Variants in FNIP1 observed in about 807,000 individuals in gnomAD.
FNIP1 encodes the protein folliculin interacting protein 1.
In FNIP1, 40 loss-of-function variants were observed where a neutral mutation model predicts 124.5. That is an observed-to-expected ratio of 0.32 (90% CI 0.25 to 0.42). The LOEUF is 0.42. Among genes scored for constraint, FNIP1 ranks in the 10% least tolerant of loss-of-function variants. The pLI is 1.00. For synonymous variants in FNIP1, 472 were observed against 470.6 expected (o/e 1.00, Z -0.04); for missense variants, 1,176 against 1,403.7 (o/e 0.84, Z 2.59).
At chr5:131,771,897 C>T (rs1771646629) in intron 1 of FNIP1, among the ~76,000 whole-genome samples, 1 of 152,136 alleles carries the variant, frequency 6.6e-6, no homozygotes, top group Non-Finnish European at 1.5e-5. Context: ...GACACTATGA[C>T]CTCCTTGCAC....
At chr5:131,723,487 A>C (rs1050523938) in intron 3 of FNIP1, among the ~76,000 whole-genome samples, 2 of 152,206 alleles carry the variant, frequency 1.3e-5, no homozygotes, top group African/African-American at 4.8e-5. Flanking sequence ...TCTAACATAT[A>C]CTAAATAGTT....
rs1447390414 is a variant in FNIP1, at chr5:131,643,016, C to T, written c.*1669G>A. 3.3e-5 allele frequency: 5 copies of T among 152,058 alleles called. No individual in the cohort carries two copies. Among genetic ancestry groups the T allele is most frequent in the African/African-American group, 1.2e-4 (5 of 41,358 alleles). 9.4% of individuals were successfully genotyped at this position (152,058 alleles called of 1,614,324 possible). ...TAATGCACAGAATAAGAAAATTAAG[C>T]CAAAGAAAATATATCCACAAACACT... On this transcript the variant is annotated 3_prime_UTR_variant, in exon 18 of 18. Transcript: ENST00000510461.
At position 131,654,972 on chromosome 5, in the gene FNIP1, C is replaced by T. The variant is rs140205997; in HGVS notation, c.3109-2973G>A. Among the ~76,000 whole-genome samples the T allele has an allele frequency of 5.1e-3, 781 of 152,210 alleles. 4 individuals carry two copies. Among genetic ancestry groups the T allele is most frequent in the African/African-American group, 0.017 (716 of 41,554 alleles). On this transcript the variant is annotated intron_variant, in intron 15 of 17. Transcript: ENST00000510461. ...GCCAGGGATAAATCACTTTGTTATT[C>T]ATCACTTAATTATGGAAATATAATT...
intron 15 of FNIP1, among the ~76,000 whole-genome samples, chr5:131,658,548 T>C (rs974751999): frequency 3.9e-5 from 6 of 152,042 alleles, no homozygotes; most frequent in Non-Finnish European, 7.4e-5. Context: ...ACATCTCAAG[T>C]TGGGGGACAA....
At chr5:131,705,621 C>T (rs1415136105) in intron 9 of FNIP1, among the ~76,000 whole-genome samples, 2 of 152,032 alleles carry the variant, frequency 1.3e-5, no homozygotes, top group Non-Finnish European at 2.9e-5. Flanking sequence ...AAATTGGAAC[C>T]ATTGTGCATT....
chr5:131,739,017 T>C (rs1312603083), intron 2 of FNIP1, among the ~76,000 whole-genome samples: 1 of 151,940 alleles, frequency 6.6e-6, no homozygotes, highest in East Asian at 1.9e-4. Flanking sequence ...GGTCTTCCTA[T>C]GTTGGCCAGA....
At chr5:131,750,722 T>C (rs1770845978) in intron 1 of FNIP1, among the ~76,000 whole-genome samples, 1 of 151,834 alleles carries the variant, frequency 6.6e-6, no homozygotes, top group Admixed American at 6.6e-5. Context: ...GAGAGACTCT[T>C]GTGCCCCAGC....
rs1387691476 is a variant in FNIP1, at chr5:131,693,342, A to ATG, written c.1202+5574_1202+5575insCA. 2.0e-4 allele frequency among the ~76,000 whole-genome samples: 26 copies of ATG among 130,968 alleles called. No homozygotes were observed. In the East Asian group the frequency reaches 2.8e-3, roughly 14 times the overall value. 85.9% of individuals were successfully genotyped at this position (130,968 alleles called of 152,430 possible). On this transcript the variant is annotated intron_variant, in intron 11 of 17. Transcript: ENST00000510461. ...CACATATATATATATACATATATAT[A>ATG]TATATATATATATATATATAGTTAC...
At chr5:131,742,070 A>C (rs1164149340) in intron 2 of FNIP1, among the ~76,000 whole-genome samples, 1 of 152,168 alleles carries the variant, frequency 6.6e-6, no homozygotes, top group Non-Finnish European at 1.5e-5. Flanking sequence ...ACAGAGTAAA[A>C]CAATTTTGCA....
intron 10 of FNIP1, among the ~76,000 whole-genome samples, 185 bp from the exon 11 acceptor site, chr5:131,699,187 A>G (rs887833645): frequency 6.6e-6 from 1 of 152,232 alleles, no homozygotes; most frequent in African/African-American, 2.4e-5. Context: ...TAATTAATGA[A>G]TGGTTGAACA....
At chr5:131,707,484 G>A (rs1304950445) in intron 8 of FNIP1, among the ~76,000 whole-genome samples, 1 of 152,208 alleles carries the variant, frequency 6.6e-6, no homozygotes, top group Non-Finnish European at 1.5e-5. Flanking sequence ...CTTTCATTAT[G>A]AAGATCTATT....
intron 2 of FNIP1, among the ~76,000 whole-genome samples, chr5:131,733,842 A>C (rs1334656478): frequency 6.6e-6 from 1 of 152,188 alleles, no homozygotes; most frequent in African/African-American, 2.4e-5. Context: ...TGCTGGCCTC[A>C]TAAAATGAGT....
intron 1 of FNIP1, among the ~76,000 whole-genome samples, chr5:131,791,398 T>A (rs564837758): frequency 2.0e-5 from 3 of 152,216 alleles, no homozygotes; most frequent in African/African-American, 7.2e-5. Flanking sequence ...GGCAACCAGG[T>A]AGGTAACTTT....
At chr5:131,699,340 A>G (rs1768810751) in intron 10 of FNIP1, among the ~76,000 whole-genome samples, 1 of 152,088 alleles carries the variant, frequency 6.6e-6, no homozygotes, top group Non-Finnish European at 1.5e-5. Flanking sequence ...ATAACTCAGT[A>G]ACAACAACTC....
intron 3 of FNIP1, among the ~76,000 whole-genome samples, chr5:131,729,787 C>T (rs559958421): frequency 1.3e-5 from 2 of 151,996 alleles, no homozygotes; most frequent in South Asian, 4.2e-4. Flanking sequence ...CTCTTGTTAC[C>T]CAGGCTGTAG....
At position 131,652,091 on chromosome 5, in the gene FNIP1, C is replaced by A. The variant is rs563746343; in HGVS notation, c.3109-92G>T. ...GCAATGAAGGTTTACTAAACAAAAA[C>A]AGAAAAAAAAATTAAACTTCAATAT... On this transcript the variant is annotated intron_variant, in intron 15 of 17. Transcript: ENST00000510461. 515 of 1,217,490 alleles carry A rather than the reference C, an allele frequency of 4.2e-4. 1 individual carries two copies. The African/African-American group carries it at 6.7e-3, about 16-fold the overall frequency. The allele number at this position is 1,217,490 out of a possible 1,614,324, so 75.4% of individuals were successfully genotyped here.
chr5:131,684,506 A>C (rs1345013270), intron 11 of FNIP1, among the ~76,000 whole-genome samples: 1 of 151,884 alleles, frequency 6.6e-6, no homozygotes, highest in Non-Finnish European at 1.5e-5. Flanking sequence ...GAAGCAAAAT[A>C]ATCAAACAAT....
chr5:131,743,692 C>A (rs1263797527), intron 2 of FNIP1, among the ~76,000 whole-genome samples: 4 of 152,070 alleles, frequency 2.6e-5, no homozygotes, highest in Non-Finnish European at 5.9e-5. Flanking sequence ...GGGTTGGTGT[C>A]CTTATAAAAA....
intron 11 of FNIP1, among the ~76,000 whole-genome samples, chr5:131,686,495 C>T (rs1053742277): frequency 6.6e-6 from 1 of 152,086 alleles, no homozygotes; most frequent in African/African-American, 2.4e-5. Context: ...TACAGGTGCA[C>T]GCCACTTGAG....
Sources: gnomAD v4.1 joint callset for allele counts (sites outside exome capture counted in the v4.1 genomes callset) on GRCh38, gnomAD v4.1.1 for gene constraint, MANE v1.5 for transcripts, NCBI Gene and HGNC (gene_info 2026-07-23, HGNC 2026-07-21) for gene names.